Variants in RORA observed in about 807,000 individuals in gnomAD.
RORA encodes RAR related orphan receptor A, also known as nuclear receptor ROR-alpha.
RORA carries 7 observed loss-of-function variants against 69.5 expected under a neutral mutation model. The observed-to-expected ratio is 0.10, with a 90% CI of 0.06 to 0.19. The LOEUF (loss-of-function observed/expected upper bound fraction) is 0.19. Among genes scored for constraint, RORA ranks in the 10% least tolerant of loss-of-function variants. The probability of loss-of-function intolerance (pLI) is 1.00; values close to 1 mark genes in which losing one functional copy is unlikely to be tolerated. For missense variants in RORA, 457 were observed against 663.0 expected (o/e 0.69, Z 3.41); for synonymous variants, 261 against 240.8 (o/e 1.08, Z -0.78).
chr15:60,985,871 C>G (rs865834312), intron 1 of RORA, among the ~76,000 whole-genome samples: 3 of 152,076 alleles, frequency 2.0e-5, no homozygotes, highest in Admixed American at 6.6e-5. Flanking sequence ...TGAGCCAACG[C>G]GCCCAGCCGA....
In RORA at chr15:60,489,632, G is replaced by T. The variant is rs977594584; in HGVS notation, c.*7823C>A. On this transcript the variant is annotated 3_prime_UTR_variant, in exon 11 of 11. Transcript: ENST00000335670. ...GTCCTTCACTCAGTTCATGGAACTG[G>T]TTGAGGTCATACTGAAACAGAACAT... The T allele has an allele frequency of 6.6e-6, 1 of 152,164 alleles. No individual in the cohort carries two copies. The highest frequency in any genetic ancestry group is 6.5e-5 in the Admixed American group (1 of 15,278). 9.4% of individuals were successfully genotyped at this position (152,164 alleles called of 1,614,324 possible). A position where few individuals can be genotyped will look rare whatever the true frequency, so the allele number is the denominator to read the frequency against.
At chr15:61,132,928 G>C (rs1404478782) in intron 1 of RORA, among the ~76,000 whole-genome samples, 1 of 152,080 alleles carries the variant, frequency 6.6e-6, no homozygotes, top group African/African-American at 2.4e-5. Flanking sequence ...ATATCTCTTT[G>C]TATCAAAATG....
At chr15:60,952,763 T>G (rs1872428004) in intron 1 of RORA, among the ~76,000 whole-genome samples, 1 of 144,638 alleles carries the variant, frequency 6.9e-6, no homozygotes, top group South Asian at 2.4e-4. Context: ...CAAGGAGAAC[T>G]ACAAACCACT....
At chr15:60,834,206 G>T (rs925368465) in intron 1 of RORA, among the ~76,000 whole-genome samples, 1 of 152,122 alleles carries the variant, frequency 6.6e-6, no homozygotes, top group African/African-American at 2.4e-5. Context: ...ACAAAATAGC[G>T]GTACATGTCA....
At chr15:60,516,211 A>ATATATATATT (rs2065941658) in intron 3 of RORA, among the ~76,000 whole-genome samples, 13 of 18,574 alleles carry the variant, frequency 7.0e-4, no homozygotes, top group East Asian at 4.0e-3. Flanking sequence ...ATATATATTT[A>ATATATATATT]TATATATATA....
At chr15:61,051,462 T>C (rs1423803896) in intron 1 of RORA, among the ~76,000 whole-genome samples, 2 of 152,198 alleles carry the variant, frequency 1.3e-5, no homozygotes, top group Non-Finnish European at 2.9e-5. Flanking sequence ...GTTTGCGGCA[T>C]GCATAGCTTC....
intron 1 of RORA, among the ~76,000 whole-genome samples, chr15:60,680,970 A>AT (rs561917769): frequency 8.0e-4 from 121 of 152,164 alleles, no homozygotes; most frequent in African/African-American, 2.6e-3. Context: ...ATGATATTTA[A>AT]TTTTTTTTAA....
At chr15:61,127,697 G>A (rs1300610517) in intron 1 of RORA, among the ~76,000 whole-genome samples, 1 of 152,126 alleles carries the variant, frequency 6.6e-6, no homozygotes, top group Non-Finnish European at 1.5e-5. Context: ...TAATTTGACA[G>A]AACATTTCAA....
chr15:60,889,091 G>A (rs12915246), intron 1 of RORA, among the ~76,000 whole-genome samples: 20,414 of 152,186 alleles, frequency 0.13, 1,860 homozygotes, highest in Middle Eastern at 0.26. Context: ...CCCTAGCCCC[G>A]TGCTCAGGGT....
At chr15:61,046,863 C>T (rs1056752127) in intron 1 of RORA, among the ~76,000 whole-genome samples, 2 of 152,164 alleles carry the variant, frequency 1.3e-5, no homozygotes, top group South Asian at 2.1e-4. Flanking sequence ...TGATGAAAAA[C>T]GAGGACTCTT....
At chr15:61,028,646 T>C (rs1895959268) in intron 1 of RORA, among the ~76,000 whole-genome samples, 1 of 152,180 alleles carries the variant, frequency 6.6e-6, no homozygotes, top group Admixed American at 6.5e-5. Context: ...AGTAACCCTA[T>C]CTAGCAGGAT....
At chr15:60,498,894 AAAAC>A (rs1231495715) in intron 10 of RORA, among the ~76,000 whole-genome samples, 1 of 151,994 alleles carries the variant, frequency 6.6e-6, no homozygotes, top group Non-Finnish European at 1.5e-5. Context: ...AATAAACAAG[AAAAC>A]AAAACCAAAA....
chr15:60,583,935 G>T (rs1299936386), intron 2 of RORA, among the ~76,000 whole-genome samples: 1 of 152,218 alleles, frequency 6.6e-6, no homozygotes, highest in African/African-American at 2.4e-5. Flanking sequence ...TTTTACAAAA[G>T]AAGATTCCTT....
intron 2 of RORA, among the ~76,000 whole-genome samples, chr15:60,642,236 A>G (rs1000648312): frequency 2.0e-5 from 3 of 149,848 alleles, no homozygotes; most frequent in African/African-American, 4.9e-5. Flanking sequence ...AAGTGAGGAG[A>G]AAAAAAAAAG....
chr15:60,980,891 C>A (rs1894025220), intron 1 of RORA, among the ~76,000 whole-genome samples: 1 of 151,422 alleles, frequency 6.6e-6, no homozygotes, highest in South Asian at 2.1e-4. Flanking sequence ...CTTTATTATT[C>A]TTTTCTTCTG....
chr15:60,521,046 G>C (rs1370332649), intron 3 of RORA, among the ~76,000 whole-genome samples: 1 of 152,110 alleles, frequency 6.6e-6, no homozygotes, highest in Non-Finnish European at 1.5e-5. Flanking sequence ...GAAAGACTTT[G>C]AGAGATTATC....
At chr15:60,683,360 C>A (rs2070679611) in intron 1 of RORA, among the ~76,000 whole-genome samples, 1 of 152,178 alleles carries the variant, frequency 6.6e-6, no homozygotes. Context: ...TGGCTCCTTG[C>A]CCTGCTTCTA....
At chr15:60,986,137 CTTT>C (rs543653081) in intron 1 of RORA, among the ~76,000 whole-genome samples, 1 of 148,994 alleles carries the variant, frequency 6.7e-6, no homozygotes, top group Non-Finnish European at 1.5e-5. Context: ...CTGATTTCTT[CTTT>C]TTTTTTTCCT....
intron 1 of RORA, among the ~76,000 whole-genome samples, chr15:60,980,185 T>G (rs1167667567): frequency 4.6e-5 from 7 of 152,216 alleles, no homozygotes; most frequent in Non-Finnish European, 8.8e-5. Flanking sequence ...ATTGCATTGA[T>G]TGACTTTCAT....
Sources: gnomAD v4.1 joint callset for allele counts (sites outside exome capture counted in the v4.1 genomes callset) on GRCh38, gnomAD v4.1.1 for gene constraint, MANE v1.5 for transcripts, NCBI Gene and HGNC (gene_info 2026-07-23, HGNC 2026-07-21) for gene names.